TSHZ2: variants seen among roughly 807,000 people sequenced by gnomAD.
TSHZ2 encodes the protein teashirt zinc finger homeobox 2.
In TSHZ2, 21 loss-of-function variants were observed where a neutral mutation model predicts 74.4. The observed-to-expected ratio is 0.28, with a 90% confidence interval of 0.20 to 0.41. The LOEUF (loss-of-function observed/expected upper bound fraction) is 0.41. TSHZ2 is among the 10% of genes least tolerant of loss of function. The pLI is 1.00. For missense variants in TSHZ2, 1,244 were observed against 1,293.5 expected, an observed-to-expected ratio of 0.96 and a Z score of 0.59; for synonymous variants, 540 against 515.3, an observed-to-expected ratio of 1.05 and a Z score of -0.65.
At chr20:53,000,008 G>T (rs1485258502) in intron 1 of TSHZ2, among the ~76,000 whole-genome samples, 1 of 152,160 alleles carries the variant, frequency 6.6e-6, no homozygotes, top group African/African-American at 2.4e-5. Context: ...TTTGTGCCTG[G>T]TGTTATGCTA....
chr20:53,183,878 G>C (rs1988539159), intron 1 of TSHZ2, among the ~76,000 whole-genome samples: 1 of 152,232 alleles, frequency 6.6e-6, no homozygotes. Flanking sequence ...CTGCTCTGCA[G>C]ATTGCATCCA....
intron 1 of TSHZ2, among the ~76,000 whole-genome samples, chr20:53,248,994 C>T (rs1568833450): frequency 6.7e-6 from 1 of 149,626 alleles, no homozygotes; most frequent in African/African-American, 2.5e-5. Flanking sequence ...TGTGCCACCA[C>T]ACCTGGCTGA....
intron 2 of TSHZ2, among the ~76,000 whole-genome samples, chr20:53,334,340 A>G (rs1294552692): frequency 6.6e-6 from 1 of 152,154 alleles, no homozygotes; most frequent in African/African-American, 2.4e-5. Context: ...CATCTGAGCT[A>G]AGGTCTGAGG....
rs528092023 is a variant in TSHZ2 at position 53,249,718 on chromosome 20, A to G, written c.41-3781A>G. ...GTAGATTATTGTTTCCTAGGCATGA[A>G]GAGAAGGCCGTGGGTGATGAGAGAG... On this transcript the variant is annotated intron_variant, in intron 1 of 2. Transcript: ENST00000371497. 2.0e-5 allele frequency among the ~76,000 whole-genome samples: 3 copies of G among 152,318 alleles called. No individual in the cohort carries two copies. The South Asian group carries it at 6.2e-4, about 32-fold the overall frequency.
chr20:53,350,449 G>A (rs1465453024), intron 2 of TSHZ2, among the ~76,000 whole-genome samples: 1 of 152,212 alleles, frequency 6.6e-6, no homozygotes, highest in African/African-American at 2.4e-5. Flanking sequence ...ATTTTGTTAT[G>A]TTTGACCAGC....
intron 2 of TSHZ2, among the ~76,000 whole-genome samples, chr20:53,456,781 GC>G (rs1313287559): frequency 1.4e-5 from 1 of 69,244 alleles, no homozygotes; most frequent in African/African-American, 7.4e-5. Flanking sequence ...CATATGGCTA[GC>G]CAGTTTTCCC....
chr20:53,212,608 C>G (rs1989339031), intron 1 of TSHZ2, among the ~76,000 whole-genome samples: 2 of 152,162 alleles, frequency 1.3e-5, no homozygotes, highest in Admixed American at 1.3e-4. Flanking sequence ...AAGCCCAACT[C>G]AAATTAGCAT....
intron 1 of TSHZ2, among the ~76,000 whole-genome samples, chr20:52,981,853 C>T (rs1981581082): frequency 1.3e-5 from 2 of 152,150 alleles, no homozygotes; most frequent in African/African-American, 2.4e-5. Context: ...TACATTTATT[C>T]GTTTACACGG....
intron 1 of TSHZ2, among the ~76,000 whole-genome samples, chr20:53,223,861 A>G (rs1280095574): frequency 1.3e-5 from 2 of 151,502 alleles, no homozygotes; most frequent in African/African-American, 4.9e-5. Flanking sequence ...TGGAGAGCTC[A>G]TGAATCTACA....
At chr20:53,200,573 A>G (rs1000730390) in intron 1 of TSHZ2, among the ~76,000 whole-genome samples, 3 of 151,818 alleles carry the variant, frequency 2.0e-5, no homozygotes, top group Non-Finnish European at 4.4e-5. Context: ...TGCCTTCACC[A>G]CTCCCATGTG....
intron 2 of TSHZ2, among the ~76,000 whole-genome samples, chr20:53,340,685 A>G (rs1016910632): frequency 1.3e-5 from 2 of 152,308 alleles, no homozygotes; most frequent in Admixed American, 6.5e-5. Context: ...TGTCTCTTCC[A>G]GGACGTCCTC....
At chr20:53,284,896 A>C (rs1477102155) in intron 2 of TSHZ2, among the ~76,000 whole-genome samples, 1 of 151,870 alleles carries the variant, frequency 6.6e-6, no homozygotes, top group East Asian at 1.9e-4. Flanking sequence ...TGGGGCCCTT[A>C]CTCTTGACAG....
At chr20:53,331,293 GTAAC>G (rs1345999204) in intron 2 of TSHZ2, among the ~76,000 whole-genome samples, 1 of 152,202 alleles carries the variant, frequency 6.6e-6, no homozygotes, top group East Asian at 1.9e-4. Context: ...ACGGAAGGTA[GTAAC>G]TAACCAGGGA....
rs558074854 is a variant in TSHZ2, at chr20:53,405,838, A to G, written c.*9-81306A>G. ...TGGCGAGACCCTGTCTGTATCAAAG[A>G]TACAGAAAATTAGCCAGGCGTCATG... On this transcript the variant is annotated intron_variant, in intron 2 of 2. Coordinates refer to ENST00000371497, the MANE Select transcript of TSHZ2 (RefSeq NM_173485.6). Among the ~76,000 whole-genome samples, 4 of 152,082 alleles carry G rather than the reference A, an allele frequency of 2.6e-5. No individual in the cohort carries two copies. In the South Asian group the frequency reaches 8.3e-4, roughly 32 times the overall value.
intron 1 of TSHZ2, among the ~76,000 whole-genome samples, chr20:53,190,071 C>T (rs1273824246): frequency 1.1e-5 from 1 of 90,596 alleles, no homozygotes; most frequent in African/African-American, 4.0e-5. Flanking sequence ...GGTGACCAAA[C>T]AAGACCCTGT....
chr20:53,158,013 C>T (rs778179899), intron 1 of TSHZ2, among the ~76,000 whole-genome samples: 7 of 152,112 alleles, frequency 4.6e-5, no homozygotes, highest in Non-Finnish European at 1.0e-4. Flanking sequence ...TTGTGAATTG[C>T]TGCTGCCTTG....
At chr20:53,094,043 C>T (rs917881696) in intron 1 of TSHZ2, among the ~76,000 whole-genome samples, 4 of 150,670 alleles carry the variant, frequency 2.7e-5, no homozygotes, top group Admixed American at 1.3e-4. Context: ...GCCTCAGGGC[C>T]AAATTTGGCC....
intron 1 of TSHZ2, among the ~76,000 whole-genome samples, chr20:53,229,956 GAGAA>G (rs1438419633): frequency 1.1e-4 from 16 of 147,634 alleles, no homozygotes; most frequent in Non-Finnish European, 1.9e-4. Flanking sequence ...AAGGAAGAAA[GAGAA>G]AGAAGAAGGA....
chr20:52,981,524 A>G (rs1331829652), intron 1 of TSHZ2, among the ~76,000 whole-genome samples: 1 of 152,190 alleles, frequency 6.6e-6, no homozygotes, highest in Non-Finnish European at 1.5e-5. Context: ...ACCCTGAATA[A>G]CCAGACTATG....
Sources: gnomAD v4.1 joint callset for allele counts (sites outside exome capture counted in the v4.1 genomes callset) on GRCh38, gnomAD v4.1.1 for gene constraint, MANE v1.5 for transcripts, NCBI Gene and HGNC (gene_info 2026-07-23, HGNC 2026-07-21) for gene names.